Variants in TTC12 observed in about 807,000 individuals in gnomAD.
TTC12 encodes the protein tetratricopeptide repeat protein 12.
In TTC12, 70 loss-of-function variants were observed where a neutral mutation model predicts 90.1. The ratio of observed to expected loss-of-function variants is 0.78; its 90% CI spans 0.64 to 0.95. The LOEUF is 0.95. TTC12 is among the 40% of genes least tolerant of loss of function. TTC12 has a pLI of 0.00. For missense variants in TTC12, 819 were observed against 846.1 expected (o/e 0.97, Z 0.40); for synonymous variants, 296 against 311.5 (o/e 0.95, Z 0.53).
chr11:113,359,879 G>A (rs188629105), intron 17 of TTC12, 61 bp from the exon 18 acceptor site: 16 of 1,377,208 alleles, frequency 1.2e-5, no homozygotes, highest in East Asian at 9.7e-5. Context: ...AAGAAGCTCC[G>A]CTGAGAATTC....
At chr11:113,350,006 G>C (rs1949177893) in intron 13 of TTC12, 67 bp from the exon 14 acceptor site, 1 of 1,314,832 alleles carries the variant, frequency 7.6e-7, no homozygotes, top group Non-Finnish European at 1.1e-6. Context: ...TTCCTTGCAA[G>C]GTTACCCTGT....
In TTC12 at chr11:113,362,500, A is replaced by G. The variant is rs1555155653; in HGVS notation, c.1714A>G (p.Lys572Glu). The change falls in exon 19 of 22, where the codon AAG (lysine) becomes GAG (glutamate). Residue 572 changes from lysine (K) to glutamate (E), a missense_variant and splice_region_variant. Physicochemically the swap from Lys to Glu is moderately conservative, Grantham distance 56. Transcript: ENST00000529221. The stretch of plus-strand genomic sequence containing the variant: ...GGTAAAGAAAATGATGAAATTCCTG[A>G]AGGTAAGATCACTTTATTGGTTACA... ...GVVKKMMKFL[K>E]TGGETASRYA... is the part of the protein sequence containing the mutation. The G allele has an allele frequency of 1.2e-6, 2 of 1,600,574 alleles. No homozygotes were observed. Among genetic ancestry groups the G allele is most frequent in the Non-Finnish European group, 1.7e-6 (2 of 1,167,644 alleles).
intron 2 of TTC12, 147 bp from the exon 3 acceptor site, chr11:113,323,141 C>G: frequency 3.3e-6 from 1 of 306,014 alleles, no homozygotes; most frequent in Non-Finnish European, 5.6e-6. Context: ...AATTTTTTCT[C>G]ATTGGTTCTG....
intron 2 of TTC12, among the ~76,000 whole-genome samples, chr11:113,319,108 A>T (rs1947129088): frequency 6.6e-6 from 1 of 152,216 alleles, no homozygotes; most frequent in Non-Finnish European, 1.5e-5. Context: ...TAGATGATCA[A>T]GGTTAACCTC....
downstream of TTC12, among the ~76,000 whole-genome samples, chr11:113,369,711 A>C (rs373150330): frequency 4.6e-5 from 7 of 152,138 alleles, no homozygotes; most frequent in African/African-American, 1.4e-4. Flanking sequence ...TCAGAGCCCC[A>C]GTTTCCTCTC....
At chr11:113,357,109 G>A (rs1413391654) in intron 16 of TTC12, among the ~76,000 whole-genome samples, 2 of 152,080 alleles carry the variant, frequency 1.3e-5, no homozygotes, top group African/African-American at 4.8e-5. Context: ...TTCCTCAGAG[G>A]TTTTTCTCAT....
intron 2 of TTC12, among the ~76,000 whole-genome samples, chr11:113,316,909 T>G (rs1946976392): frequency 6.6e-6 from 1 of 152,230 alleles, no homozygotes; most frequent in South Asian, 2.1e-4. Context: ...TCAGGGAGCT[T>G]GCTTGAGTAT....
intron 15 of TTC12, 116 bp from the exon 16 acceptor site, chr11:113,351,954 C>T: frequency 8.2e-7 from 1 of 1,222,482 alleles, no homozygotes; most frequent in East Asian, 2.6e-5. Flanking sequence ...CCCTGTGTGA[C>T]ATGAAGCTAT....
At chr11:113,353,782 G>T (rs992013387) in intron 16 of TTC12, among the ~76,000 whole-genome samples, 3 of 152,060 alleles carry the variant, frequency 2.0e-5, no homozygotes, top group African/African-American at 7.2e-5. Flanking sequence ...TAGGTATGCG[G>T]TCTTATTTCT....
At chr11:113,339,237 AT>A (rs1555145136) in intron 9 of TTC12, 48 bp from the exon 10 acceptor site, 4 of 1,490,256 alleles carry the variant, frequency 2.7e-6, no homozygotes, top group Non-Finnish European at 3.6e-6. Flanking sequence ...CTTGTGTGGT[AT>A]TGTTGATTGT....
intron 12 of TTC12, 49 bp downstream of exon 12, chr11:113,341,974 G>A: frequency 1.3e-6 from 2 of 1,503,370 alleles, no homozygotes; most frequent in Non-Finnish European, 9.3e-7. Context: ...CTGCGTGCAG[G>A]AACTACGCTG....
intron 13 of TTC12, among the ~76,000 whole-genome samples, chr11:113,348,115 T>A (rs1555148771): frequency 6.6e-6 from 1 of 152,208 alleles, no homozygotes; most frequent in East Asian, 1.9e-4. Flanking sequence ...CTCACTCTGT[T>A]GAGTGTGAGA....
chr11:113,359,320 G>A (rs782220912), intron 16 of TTC12, 43 bp from the exon 17 acceptor site: 7 of 1,369,338 alleles, frequency 5.1e-6, no homozygotes, highest in Admixed American at 1.7e-5. Context: ...ATAAAAAGCT[G>A]TAAGGCAAAA....
At chr11:113,338,690 C>G in intron 8 of TTC12, 84 bp from the exon 9 acceptor site, 1 of 1,012,678 alleles carries the variant, frequency 9.9e-7, no homozygotes, top group Non-Finnish European at 1.5e-6. Flanking sequence ...AATAATGAAG[C>G]AGCCAAGCCC....
intron 11 of TTC12, among the ~76,000 whole-genome samples, chr11:113,341,072 A>G (rs1256404514): frequency 2.0e-5 from 3 of 152,142 alleles, no homozygotes; most frequent in African/African-American, 7.2e-5. Flanking sequence ...TCCACTAAAA[A>G]TACAAAAATT....
At chr11:113,368,322 G>A (rs1217551649), downstream of TTC12, 36 of 1,543,238 alleles carry the variant, frequency 2.3e-5, no homozygotes, top group African/African-American at 6.9e-5. Flanking sequence ...CCCCGCCACC[G>A]CCCCAAACTT....
chr11:113,347,738 G>C (rs1949052137), intron 13 of TTC12, among the ~76,000 whole-genome samples: 1 of 152,158 alleles, frequency 6.6e-6, no homozygotes, highest in African/African-American at 2.4e-5. Context: ...TTGGCCTCCA[G>C]ACCACTCCTA....
chr11:113,315,297 T>C (rs1380553505), intron 1 of TTC12: 2 of 152,114 alleles, frequency 1.3e-5, no homozygotes, highest in Non-Finnish European at 2.9e-5. Context: ...GTTCCCATAG[T>C]ATGGGTGAGG....
At chr11:113,329,749 TCCTCAGTTG>T (rs1947913237) in intron 6 of TTC12, 162 bp from the exon 7 acceptor site, 1 of 681,724 alleles carries the variant, frequency 1.5e-6, no homozygotes, top group African/African-American at 1.8e-5. Context: ...TATTCAACTC[TCCTCAGTTG>T]CCCAGTGCAA....
Sources: gnomAD v4.1 joint callset for allele counts (sites outside exome capture counted in the v4.1 genomes callset) on GRCh38, gnomAD v4.1.1 for gene constraint, MANE v1.5 for transcripts, NCBI Gene and HGNC (gene_info 2026-07-23, HGNC 2026-07-21) for gene names.